GRIP1: variants seen among roughly 807,000 people sequenced by gnomAD.
GRIP1 encodes glutamate receptor interacting protein 1, also known as glutamate receptor-interacting protein 1.
Under a neutral mutation model 129.9 loss-of-function variants are expected in GRIP1, and 45 were observed. The ratio of observed to expected loss-of-function variants is 0.35; its 90% CI spans 0.27 to 0.44. GRIP1 has a LOEUF of 0.44. Among genes scored for constraint, GRIP1 ranks in the 20% least tolerant of loss-of-function variants. GRIP1 has a pLI of 1.00. For synonymous variants in GRIP1, 530 were observed against 520.8 expected (o/e 1.02, Z -0.24); for missense variants, 1,196 against 1,396.8 (o/e 0.86, Z 2.29).
intron 1 of GRIP1, among the ~76,000 whole-genome samples, chr12:66,658,341 A>G (rs1025323581): frequency 6.6e-6 from 1 of 152,190 alleles, no homozygotes; most frequent in Admixed American, 6.5e-5. Context: ...AATGTGAAGG[A>G]ATGCCTAGTA....
chr12:66,617,801 T>C (rs1395815587), intron 1 of GRIP1, among the ~76,000 whole-genome samples: 1 of 151,098 alleles, frequency 6.6e-6, no homozygotes. Context: ...AAGAAATGCA[T>C]ATTAAAGCCA....
chr12:66,669,828 T>TA (rs1425667944), intron 1 of GRIP1, among the ~76,000 whole-genome samples: 12 of 152,208 alleles, frequency 7.9e-5, no homozygotes. Context: ...CCCACATAGA[T>TA]AGAGTAGACT....
At chr12:66,753,148 T>A (rs900696506) in intron 1 of GRIP1, among the ~76,000 whole-genome samples, 3 of 152,128 alleles carry the variant, frequency 2.0e-5, no homozygotes, top group Non-Finnish European at 2.9e-5. Flanking sequence ...ATATCCTAGG[T>A]ATATGGCTAT....
intron 1 of GRIP1, among the ~76,000 whole-genome samples, chr12:66,787,566 G>A (rs1208453816): frequency 6.6e-6 from 1 of 152,082 alleles, no homozygotes. Flanking sequence ...AGATCATGAG[G>A]GCAGGGCACA....
intron 1 of GRIP1, among the ~76,000 whole-genome samples, chr12:66,748,685 CCT>C (rs2037029593): frequency 1.3e-5 from 2 of 152,100 alleles, no homozygotes; most frequent in Admixed American, 1.3e-4. Flanking sequence ...CCTTCACAGC[CCT>C]GATTCTACAC....
chr12:66,476,429 C>A (rs1353955093), intron 7 of GRIP1, among the ~76,000 whole-genome samples: 4 of 152,114 alleles, frequency 2.6e-5, no homozygotes, highest in South Asian at 2.1e-4. Context: ...CCGAATTCTA[C>A]CAGAGGTACA....
intron 1 of GRIP1, among the ~76,000 whole-genome samples, chr12:66,615,367 G>A (rs1469400056): frequency 3.9e-5 from 6 of 152,090 alleles, no homozygotes. Context: ...CTCAGAGGAG[G>A]GGAGCCACTA....
intron 1 of GRIP1, among the ~76,000 whole-genome samples, chr12:66,776,007 A>G (rs1289712954): frequency 6.6e-6 from 1 of 152,214 alleles, no homozygotes; most frequent in African/African-American, 2.4e-5. Flanking sequence ...CTGGGAACAC[A>G]GGCTAGGAAA....
chr12:66,781,291 A>G (rs2038151025), intron 1 of GRIP1, among the ~76,000 whole-genome samples: 2 of 152,140 alleles, frequency 1.3e-5, no homozygotes, highest in South Asian at 4.1e-4. Flanking sequence ...TTGCTAGAAA[A>G]TGCTTCAAAA....
intron 1 of GRIP1, among the ~76,000 whole-genome samples, chr12:66,659,652 T>C (rs982887038): frequency 3.3e-5 from 5 of 152,226 alleles, no homozygotes; most frequent in Admixed American, 2.0e-4. Context: ...CACAATCTAA[T>C]AGAACAATTC....
intron 2 of GRIP1, among the ~76,000 whole-genome samples, chr12:66,577,252 C>T (rs1210036123): frequency 1.3e-5 from 2 of 152,110 alleles, no homozygotes; most frequent in South Asian, 2.1e-4. Flanking sequence ...CAGTGGGTAG[C>T]GGTTCAAGAT....
chr12:66,874,276 A>C (rs545310358), intron 1 of GRIP1, among the ~76,000 whole-genome samples: 1 of 152,180 alleles, frequency 6.6e-6, no homozygotes, highest in African/African-American at 2.4e-5. Flanking sequence ...GCCCCAGTAC[A>C]TTTACATAAT....
At chr12:66,843,956 A>G (rs935632238) in intron 1 of GRIP1, among the ~76,000 whole-genome samples, 22 of 152,184 alleles carry the variant, frequency 1.4e-4, no homozygotes, top group African/African-American at 5.3e-4. Context: ...GATAAAATTG[A>G]CTACATCTTA....
intron 1 of GRIP1, among the ~76,000 whole-genome samples, chr12:66,639,545 T>C (rs1204163101): frequency 6.6e-6 from 1 of 152,126 alleles, no homozygotes; most frequent in African/African-American, 2.4e-5. Flanking sequence ...GGATAGCAAG[T>C]GGAAAATGAC....
At chr12:66,728,491 C>T (rs1025686817) in intron 1 of GRIP1, among the ~76,000 whole-genome samples, 2 of 152,114 alleles carry the variant, frequency 1.3e-5, no homozygotes, top group Non-Finnish European at 2.9e-5. Context: ...ATAGAGGAAA[C>T]AATAAAGAAG....
At chr12:66,465,501 T>G in intron 7 of GRIP1, 79 bp from the exon 8 acceptor site, 1 of 1,196,546 alleles carries the variant, frequency 8.4e-7, no homozygotes, top group Non-Finnish European at 1.2e-6. Flanking sequence ...TGAAGAATAT[T>G]CAGTTTGGTG....
intron 1 of GRIP1, among the ~76,000 whole-genome samples, chr12:66,999,251 GA>G (rs1410973621): frequency 6.6e-6 from 1 of 152,084 alleles, no homozygotes; most frequent in Admixed American, 6.6e-5. Flanking sequence ...ACAGCACTGA[GA>G]AACATGTGAT....
chr12:66,972,457 T>C (rs1182624825), intron 1 of GRIP1, among the ~76,000 whole-genome samples: 2 of 152,214 alleles, frequency 1.3e-5, no homozygotes, highest in African/African-American at 2.4e-5. Context: ...TACAAAGATA[T>C]AACAGTCCAA....
chr12:66,531,723 T>C (rs916436302), intron 4 of GRIP1, among the ~76,000 whole-genome samples: 20 of 152,090 alleles, frequency 1.3e-4, no homozygotes, highest in Admixed American at 2.6e-4. Flanking sequence ...ACAAAAAAAA[T>C]TGAGTTCATT....
Sources: gnomAD v4.1 joint callset for allele counts (sites outside exome capture counted in the v4.1 genomes callset) on GRCh38, gnomAD v4.1.1 for gene constraint, MANE v1.5 for transcripts, NCBI Gene and HGNC (gene_info 2026-07-23, HGNC 2026-07-21) for gene names.